The following SLC13A3 variants were observed in gnomAD, a reference collection of about 807,000 sequenced individuals.
The protein encoded by SLC13A3 is Na(+)/dicarboxylate cotransporter 3.
Under a neutral mutation model 59.0 loss-of-function variants are expected in SLC13A3, and 40 were observed. That is an observed-to-expected ratio of 0.68 (90% CI 0.53 to 0.88). The LOEUF (loss-of-function observed/expected upper bound fraction) is 0.88, where lower values mean the gene tolerates loss of function less well. SLC13A3 is among the 40% of genes least tolerant of loss of function. The probability of loss-of-function intolerance (pLI) is 0.00; values close to 1 mark genes in which losing one functional copy is unlikely to be tolerated. For synonymous variants in SLC13A3, 317 were observed against 330.3 expected (o/e 0.96, Z 0.44); for missense variants, 699 against 783.2 (o/e 0.89, Z 1.28).
At chr20:46,671,712 G>A (rs2063093180), upstream of SLC13A3, among the ~76,000 whole-genome samples, 4 of 152,148 alleles carry the variant, frequency 2.6e-5, no homozygotes, top group South Asian at 8.3e-4. Flanking sequence ...GTCTCTGCCA[G>A]CACAATGGAG....
chr20:46,643,973 A>G (rs2062870065), intron 1 of SLC13A3, among the ~76,000 whole-genome samples: 1 of 152,118 alleles, frequency 6.6e-6, no homozygotes, highest in African/African-American at 2.4e-5. Flanking sequence ...AGGAGGCAGA[A>G]GTTGTAGTGA....
rs6017929 is a variant in SLC13A3, at chr20:46,581,630, G to T, written c.1219+1942C>A. On this transcript the variant is annotated intron_variant, in intron 9 of 12. Coordinates refer to ENST00000279027, the MANE Select transcript of SLC13A3 (RefSeq NM_022829.6). ...AGATGGGCACCATGAGGAAGTGGCT[G>T]CCACCAGGGGGAAGAAGCTAGGAAG... 5.1e-4 allele frequency among the ~76,000 whole-genome samples: 77 copies of T among 152,296 alleles called. 1 individual carries two copies. The highest frequency in any genetic ancestry group is 1.9e-3 in the African/African-American group (77 of 41,556).
chr20:46,614,618 ATC>A (rs2062537166), intron 1 of SLC13A3, among the ~76,000 whole-genome samples: 1 of 152,180 alleles, frequency 6.6e-6, no homozygotes, highest in Non-Finnish European at 1.5e-5. Flanking sequence ...AACAGCTGAC[ATC>A]TGTTGGGCTA....
chr20:46,655,864 CTGTACAGTATATATTATACTGTATATAA>C, upstream of SLC13A3, among the ~76,000 whole-genome samples: 1 of 134,180 alleles, frequency 7.5e-6, no homozygotes, highest in Non-Finnish European at 1.6e-5. Flanking sequence ...AATATATATA[CTGTACAGTATATATTATACTGTATATAA>C]TATATATACT....
intron 3 of SLC13A3, among the ~76,000 whole-genome samples, chr20:46,605,572 G>A (rs994024451): frequency 1.3e-5 from 2 of 152,176 alleles, no homozygotes; most frequent in African/African-American, 2.4e-5. Flanking sequence ...ACAGAGCTAT[G>A]CAAAGTTTAT....
chr20:46,655,107 T>C (rs1416744440), upstream of SLC13A3, among the ~76,000 whole-genome samples: 1 of 152,130 alleles, frequency 6.6e-6, no homozygotes, highest in African/African-American at 2.4e-5. Flanking sequence ...GATTTCTTTT[T>C]TTTGTCTTAT....
At chr20:46,608,287 T>C (rs1450362965) in intron 3 of SLC13A3, among the ~76,000 whole-genome samples, 1 of 152,242 alleles carries the variant, frequency 6.6e-6, no homozygotes, top group Non-Finnish European at 1.5e-5. Context: ...AAATTTTAAT[T>C]TCAGCACCCA....
At chr20:46,581,960 G>A (rs1038935400) in intron 9 of SLC13A3, among the ~76,000 whole-genome samples, 2 of 152,142 alleles carry the variant, frequency 1.3e-5, no homozygotes, top group African/African-American at 4.8e-5. Context: ...CTTAGACCCA[G>A]TTCCAGCCTC....
At chr20:46,569,272 T>G (rs1467832119) in intron 10 of SLC13A3, among the ~76,000 whole-genome samples, 1 of 152,022 alleles carries the variant, frequency 6.6e-6, no homozygotes, top group African/African-American at 2.4e-5. Flanking sequence ...ATTACAGACA[T>G]GAGCCACCAT....
intron 1 of SLC13A3, among the ~76,000 whole-genome samples, chr20:46,659,721 C>CT (rs945866852): frequency 6.7e-6 from 1 of 148,292 alleles, no homozygotes; most frequent in East Asian, 2.0e-4. Context: ...ATCCCCCCCC[C>CT]CCAAAAAAAA....
At chr20:46,605,715 G>A (rs548585423) in intron 3 of SLC13A3, among the ~76,000 whole-genome samples, 98 of 152,116 alleles carry the variant, frequency 6.4e-4, no homozygotes, top group Non-Finnish European at 8.5e-4. Context: ...CCTGAACCTC[G>A]GTCCATCTCC....
At chr20:46,614,494 G>A (rs184949144) in intron 1 of SLC13A3, among the ~76,000 whole-genome samples, 42 of 152,322 alleles carry the variant, frequency 2.8e-4, no homozygotes, top group East Asian at 7.7e-4. Context: ...TAGTGTGTGC[G>A]GAAATGGTGA....
chr20:46,609,865 T>G (rs2062475781), intron 3 of SLC13A3, among the ~76,000 whole-genome samples: 1 of 152,182 alleles, frequency 6.6e-6, no homozygotes. Context: ...CCTGGACCTA[T>G]AGGAGAATTC....
chr20:46,619,424 C>G lies in SLC13A3; in HGVS notation c.112-5699G>C, dbSNP rs75602758. Among the ~76,000 whole-genome samples, 64 of 152,352 alleles carry G rather than the reference C, an allele frequency of 4.2e-4. No homozygotes were observed. The East Asian group carries it at 0.011, about 26-fold the overall frequency. Reference sequence around the variant, plus strand: ...GCCCTTGACTAAGGTCAAACTTCATCAGCTTTCACTGAGACTATTTCTCAA... The same window carrying G: ...GCCCTTGACTAAGGTCAAACTTCATGAGCTTTCACTGAGACTATTTCTCAA... On this transcript the variant is annotated intron_variant, in intron 1 of 12. Coordinates refer to ENST00000279027, the MANE Select transcript of SLC13A3 (RefSeq NM_022829.6).
At chr20:46,569,064 G>A (rs1012238941) in intron 10 of SLC13A3, among the ~76,000 whole-genome samples, 1 of 152,160 alleles carries the variant, frequency 6.6e-6, no homozygotes, top group Non-Finnish European at 1.5e-5. Flanking sequence ...GCTCACTGCA[G>A]CCTCTATCTC....
At chr20:46,628,901 G>A (rs182442042) in intron 1 of SLC13A3, among the ~76,000 whole-genome samples, 4 of 152,290 alleles carry the variant, frequency 2.6e-5, no homozygotes, top group Admixed American at 2.0e-4. Flanking sequence ...AGGAAGCCTG[G>A]GGATAGGTGG....
chr20:46,652,973 G>A (rs1263192312), upstream of SLC13A3, among the ~76,000 whole-genome samples: 1 of 152,184 alleles, frequency 6.6e-6, no homozygotes. Flanking sequence ...ATAGCTCATT[G>A]TGGTTTTAAT....
upstream of SLC13A3, among the ~76,000 whole-genome samples, chr20:46,652,807 G>T (rs2062961615): frequency 6.6e-6 from 1 of 152,084 alleles, no homozygotes; most frequent in African/African-American, 2.4e-5. Flanking sequence ...GCAATGCTTA[G>T]CTTTTTAAGA....
intron 1 of SLC13A3, among the ~76,000 whole-genome samples, chr20:46,683,436 G>A (rs1428784172): frequency 6.6e-6 from 1 of 152,086 alleles, no homozygotes; most frequent in Admixed American, 6.5e-5. Flanking sequence ...GGGCAACATG[G>A]CACAGCTCAG....
Sources: allele counts gnomAD v4.1 joint callset (sites outside exome capture counted in the v4.1 genomes callset), GRCh38; gene constraint gnomAD v4.1.1; transcripts MANE v1.5; gene names NCBI Gene and HGNC (gene_info 2026-07-23, HGNC 2026-07-21).